The following CCSER1 variants were observed in gnomAD, a reference collection of about 807,000 sequenced individuals.
CCSER1 encodes the protein serine-rich coiled-coil domain-containing protein 1.
Under a neutral mutation model 82.0 loss-of-function variants are expected in CCSER1, and 41 were observed. The observed-to-expected ratio is 0.50, with a 90% confidence interval of 0.39 to 0.65. The LOEUF (loss-of-function observed/expected upper bound fraction) is 0.65. Among genes scored for constraint, CCSER1 ranks in the 30% least tolerant of loss-of-function variants. The pLI, the probability that CCSER1 is intolerant of heterozygous loss-of-function variation, is 0.00. For synonymous variants in CCSER1, 414 were observed against 383.9 expected (o/e 1.08, Z -0.92); for missense variants, 1,119 against 1,064.2 (o/e 1.05, Z -0.72).
chr4:91,204,375 T>C (rs765562884), intron 10 of CCSER1, among the ~76,000 whole-genome samples: 4 of 151,806 alleles, frequency 2.6e-5, no homozygotes, highest in African/African-American at 9.7e-5. Context: ...GATTAAGCCA[T>C]GAAAGAACAT....
At chr4:90,842,807 G>A (rs918890323) in intron 8 of CCSER1, among the ~76,000 whole-genome samples, 7 of 152,164 alleles carry the variant, frequency 4.6e-5, no homozygotes, top group African/African-American at 7.2e-5. Context: ...TAGAGTAACC[G>A]TATTCTGGTT....
intron 10 of CCSER1, among the ~76,000 whole-genome samples, chr4:91,328,404 A>G (rs1746714747): frequency 6.6e-6 from 1 of 152,146 alleles, no homozygotes; most frequent in Non-Finnish European, 1.5e-5. Context: ...ACACATTTTT[A>G]AACAACCAGA....
intron 5 of CCSER1, among the ~76,000 whole-genome samples, chr4:90,555,788 T>C (rs1415519489): frequency 1.3e-5 from 2 of 152,024 alleles, no homozygotes; most frequent in African/African-American, 4.8e-5. Flanking sequence ...TCAATACATA[T>C]CAATATACAT....
intron 6 of CCSER1, among the ~76,000 whole-genome samples, chr4:90,635,973 A>G (rs1214565929): frequency 4.6e-5 from 7 of 151,916 alleles, no homozygotes; most frequent in Admixed American, 4.6e-4. Context: ...AAGACATAAT[A>G]AAGAACAAAA....
chr4:90,219,502 A>G (rs531148657), intron 1 of CCSER1, among the ~76,000 whole-genome samples: 2 of 152,264 alleles, frequency 1.3e-5, no homozygotes, highest in South Asian at 4.1e-4. Context: ...CAATTATTAT[A>G]TATATGTTGT....
chr4:91,426,747 T>C (rs981683632), intron 10 of CCSER1, among the ~76,000 whole-genome samples: 2 of 152,178 alleles, frequency 1.3e-5, no homozygotes, highest in African/African-American at 4.8e-5. Context: ...TATGTAAATT[T>C]TGGATACTTA....
chr4:91,574,006 C>T lies in CCSER1; in HGVS notation c.2218-24566C>T, dbSNP rs564804111. Among the ~76,000 whole-genome samples the T allele has an allele frequency of 1.1e-4, 17 of 151,828 alleles. 1 individual carries two copies. In the South Asian group the frequency reaches 3.3e-3, roughly 30 times the overall value. On this transcript the variant is annotated intron_variant, in intron 10 of 10. Coordinates refer to ENST00000509176, the MANE Select transcript of CCSER1 (RefSeq NM_001145065.2). ...ACCATAAAACATTGATGAGAGAAAT[C>T]GAGGACATAAATAAATGGAACAATA... is the stretch of plus-strand genomic sequence containing the variant.
At chr4:91,082,403 A>C (rs1189238461) in intron 9 of CCSER1, among the ~76,000 whole-genome samples, 1 of 152,210 alleles carries the variant, frequency 6.6e-6, no homozygotes, top group African/African-American at 2.4e-5. Flanking sequence ...TTATACAAAA[A>C]TTAATTCAAG....
At chr4:91,217,602 C>G (rs2149094319) in intron 10 of CCSER1, among the ~76,000 whole-genome samples, 1 of 152,228 alleles carries the variant, frequency 6.6e-6, no homozygotes, top group Admixed American at 6.5e-5. Flanking sequence ...CAAGGCCCCA[C>G]CAGAGCAGCT....
At chr4:91,130,713 T>A (rs531065235) in intron 10 of CCSER1, among the ~76,000 whole-genome samples, 104 of 151,940 alleles carry the variant, frequency 6.8e-4, no homozygotes, top group South Asian at 2.9e-3. Context: ...TGATTTTTTT[T>A]AAAAAAGTGT....
chr4:90,659,340 A>G (rs942820715), intron 6 of CCSER1, among the ~76,000 whole-genome samples: 2 of 152,140 alleles, frequency 1.3e-5, no homozygotes, highest in African/African-American at 4.8e-5. Flanking sequence ...TATGAATTAT[A>G]CTTCTAGCAC....
chr4:91,348,983 A>G (rs998292433), intron 10 of CCSER1, among the ~76,000 whole-genome samples: 1 of 151,922 alleles, frequency 6.6e-6, no homozygotes, highest in Non-Finnish European at 1.5e-5. Context: ...ATCTCGACTC[A>G]CTGCAAGCTC....
intron 4 of CCSER1, among the ~76,000 whole-genome samples, chr4:90,460,097 C>T (rs948703986): frequency 6.9e-5 from 10 of 145,954 alleles, no homozygotes; most frequent in Non-Finnish European, 7.4e-5. Context: ...GAGGCCAAGA[C>T]GGGCGGATCA....
chr4:90,761,652 G>C (rs772633711), intron 7 of CCSER1, among the ~76,000 whole-genome samples: 2 of 152,054 alleles, frequency 1.3e-5, no homozygotes, highest in Non-Finnish European at 2.9e-5. Flanking sequence ...TAATTTTTAG[G>C]AGTTCATATC....
intron 10 of CCSER1, among the ~76,000 whole-genome samples, chr4:91,164,069 A>G (rs1276842611): frequency 2.0e-5 from 3 of 152,120 alleles, no homozygotes; most frequent in Non-Finnish European, 4.4e-5. Flanking sequence ...GGCTGGTACC[A>G]GTTGTTCCTT....
intron 1 of CCSER1, among the ~76,000 whole-genome samples, chr4:90,298,474 T>C (rs1428526521): frequency 6.6e-6 from 1 of 151,536 alleles, no homozygotes; most frequent in African/African-American, 2.4e-5. Context: ...TTTGAAGGGT[T>C]TTTTGTGTCT....
At chr4:91,558,669 G>GGCAAGAGAAAAATGAGAAAGAAGCAAA (rs1381616429) in intron 10 of CCSER1, among the ~76,000 whole-genome samples, 5 of 151,432 alleles carry the variant, frequency 3.3e-5, no homozygotes, top group African/African-American at 1.2e-4. Flanking sequence ...ACATGGTGGT[G>GGCAAGAGAAAAATGAGAAAGAAGCAAA]GCAAGAGAAA....
At chr4:91,134,373 C>A (rs1352933601) in intron 10 of CCSER1, among the ~76,000 whole-genome samples, 1 of 151,798 alleles carries the variant, frequency 6.6e-6, no homozygotes, top group African/African-American at 2.4e-5. Flanking sequence ...CCACTGCACT[C>A]CTGCAACATT....
chr4:90,834,338 C>G (rs563508692), intron 8 of CCSER1, among the ~76,000 whole-genome samples: 8 of 152,220 alleles, frequency 5.3e-5, no homozygotes, highest in African/African-American at 1.9e-4. Flanking sequence ...AAGGGTAAAT[C>G]AAATATTAGC....
Sources: gnomAD v4.1 joint callset for allele counts (sites outside exome capture counted in the v4.1 genomes callset) on GRCh38, gnomAD v4.1.1 for gene constraint, MANE v1.5 for transcripts, NCBI Gene and HGNC (gene_info 2026-07-23, HGNC 2026-07-21) for gene names.